CDH20: variants seen among roughly 807,000 people sequenced by gnomAD.
CDH20 encodes the protein cadherin-20.
CDH20 carries 29 observed loss-of-function variants against 74.2 expected under a neutral mutation model. That is an observed-to-expected ratio of 0.39 (90% CI 0.29 to 0.53). The LOEUF (loss-of-function observed/expected upper bound fraction) is 0.53, where lower values mean the gene tolerates loss of function less well. CDH20 is among the 20% of genes least tolerant of loss of function. The pLI is 0.69. For missense variants in CDH20, 988 were observed against 1,048.3 expected (o/e 0.94, Z 0.79); for synonymous variants, 469 against 405.4 (o/e 1.16, Z -1.88).
At chr18:61,475,829 T>C (rs190928746) in intron 1 of CDH20, among the ~76,000 whole-genome samples, 7 of 149,184 alleles carry the variant, frequency 4.7e-5, no homozygotes, top group African/African-American at 1.8e-4. Context: ...AGAATTCTCT[T>C]CTTTAGAGAC....
chr18:61,530,391 A>G (rs2144376065), intron 7 of CDH20, among the ~76,000 whole-genome samples: 1 of 152,310 alleles, frequency 6.6e-6, no homozygotes, highest in Middle Eastern at 3.4e-3. Flanking sequence ...TATTAAAGTT[A>G]CTTTCTTTTA....
chr18:61,463,756 C>T (rs1909863705), intron 1 of CDH20, among the ~76,000 whole-genome samples: 1 of 152,158 alleles, frequency 6.6e-6, no homozygotes, highest in African/African-American at 2.4e-5. Context: ...CAACTCCCAA[C>T]TCTGGGCACT....
At chr18:61,479,637 T>C (rs1236127366) in intron 1 of CDH20, among the ~76,000 whole-genome samples, 1 of 147,808 alleles carries the variant, frequency 6.8e-6, no homozygotes. Flanking sequence ...TTTTCTTTTC[T>C]TGTCTTCTCT....
chr18:61,347,951 A>G (rs1365936767), intron 1 of CDH20, among the ~76,000 whole-genome samples: 1 of 152,170 alleles, frequency 6.6e-6, no homozygotes, highest in Non-Finnish European at 1.5e-5. Flanking sequence ...AAGAACTCAA[A>G]CATAGTTTTA....
chr18:61,505,447 C>T (rs748239728), intron 5 of CDH20, among the ~76,000 whole-genome samples: 1 of 151,768 alleles, frequency 6.6e-6, no homozygotes, highest in African/African-American at 2.4e-5. Context: ...AGCAATCCTC[C>T]CACCTCAGCT....
At position 61,364,341 on chromosome 18, in the gene CDH20, TC is replaced by T. The variant is rs574121973; in HGVS notation, c.-153+30515del. 4.1e-3 allele frequency among the ~76,000 whole-genome samples: 619 copies of T among 152,078 alleles called. 2 individuals are homozygous for T. The highest frequency in any genetic ancestry group is 0.014 in the African/African-American group (590 of 41,418). Reference sequence around the variant, plus strand: ...TTGTTTGTTTGTTTTAGACCGAGTTTCGTTCTTGTTGCCCAGGCTGGAGTGC... The same window carrying T: ...TTGTTTGTTTGTTTTAGACCGAGTTTGTTCTTGTTGCCCAGGCTGGAGTGC... On this transcript the variant is annotated intron_variant, in intron 1 of 11. Transcript: ENST00000262717.
At chr18:61,512,087 C>T (rs1157958177) in intron 6 of CDH20, among the ~76,000 whole-genome samples, 2 of 152,100 alleles carry the variant, frequency 1.3e-5, no homozygotes, top group South Asian at 2.1e-4. Flanking sequence ...ATTTATTTCC[C>T]TTAGGCCTAT....
At chr18:61,538,578 C>CTTTGTTTTTTT (rs1555684264) in intron 8 of CDH20, among the ~76,000 whole-genome samples, 2 of 34,994 alleles carry the variant, frequency 5.7e-5, no homozygotes, top group African/African-American at 1.2e-4. Flanking sequence ...TAAATAACTA[C>CTTTGTTTTTTT]TTTTTGTTTG....
chr18:61,368,281 G>A (rs1910925181), intron 1 of CDH20, among the ~76,000 whole-genome samples: 1 of 152,062 alleles, frequency 6.6e-6, no homozygotes. Flanking sequence ...CACCTAGGGG[G>A]AGGGGGAATT....
chr18:61,358,180 T>C (rs192609988), intron 1 of CDH20, among the ~76,000 whole-genome samples: 35 of 151,634 alleles, frequency 2.3e-4, no homozygotes, highest in African/African-American at 7.7e-4. Flanking sequence ...AGTGGCATGA[T>C]GTCTGCTCAC....
chr18:61,506,353 A>G (rs1416517773), intron 5 of CDH20, among the ~76,000 whole-genome samples: 1 of 152,240 alleles, frequency 6.6e-6, no homozygotes, highest in African/African-American at 2.4e-5. Flanking sequence ...ATGTTTGTAA[A>G]GAACAAGCAT....
In CDH20 at chr18:61,538,905, T is replaced by G. The variant is rs1009608780; in HGVS notation, c.1409-119T>G. 27 of 1,107,914 alleles carry G rather than the reference T, an allele frequency of 2.4e-5. No individual in the cohort carries two copies. The African/African-American group carries it at 3.9e-4, about 16-fold the overall frequency. The allele number at this position is 1,107,914 out of a possible 1,614,324, so 68.6% of individuals were successfully genotyped here. On this transcript the variant is annotated intron_variant, in intron 8 of 11. Transcript: ENST00000262717. ...CCTCGGCCTCCCAAAGTGCTGGGAT[T>G]ACAGGCGTGAGCCACTGCGCCCAGT...
chr18:61,404,793 T>C, intron 1 of CDH20: 2 of 291,902 alleles, frequency 6.9e-6, no homozygotes, highest in South Asian at 8.1e-5. Context: ...AAAAAAATTG[T>C]CAACTTTTTT....
chr18:61,477,041 G>T (rs1243278968), intron 1 of CDH20, among the ~76,000 whole-genome samples: 1 of 151,950 alleles, frequency 6.6e-6, no homozygotes, highest in Admixed American at 6.6e-5. Flanking sequence ...CTAAACTAGA[G>T]AACACTACTG....
chr18:61,516,160 GA>G (rs1372221295), intron 6 of CDH20, among the ~76,000 whole-genome samples: 1 of 152,160 alleles, frequency 6.6e-6, no homozygotes, highest in Non-Finnish European at 1.5e-5. Flanking sequence ...ATCAAAATAT[GA>G]AAAACTGTGC....
At chr18:61,388,582 A>G (rs528095835) in intron 1 of CDH20, among the ~76,000 whole-genome samples, 25 of 152,332 alleles carry the variant, frequency 1.6e-4, no homozygotes, top group African/African-American at 5.5e-4. Context: ...TTGAGAAATT[A>G]TAATGATTCC....
At chr18:61,541,089 C>T (rs548991890) in intron 9 of CDH20, among the ~76,000 whole-genome samples, 10 of 152,078 alleles carry the variant, frequency 6.6e-5, no homozygotes, top group East Asian at 3.9e-4. Context: ...GCCCAAGAAA[C>T]GATCCATGTT....
intron 6 of CDH20, among the ~76,000 whole-genome samples, chr18:61,520,314 T>TAAAAA: frequency 1.7e-4 from 1 of 5,940 alleles, no homozygotes. Flanking sequence ...AGACTCCGTC[T>TAAAAA]CAAAAAAAAA....
chr18:61,411,514 T>G (rs1846737611), intron 1 of CDH20, among the ~76,000 whole-genome samples: 1 of 150,550 alleles, frequency 6.6e-6, no homozygotes, highest in Non-Finnish European at 1.5e-5. Context: ...CAAATGCCCA[T>G]CAATCAATGA....
Sources: gnomAD v4.1 joint callset for allele counts (sites outside exome capture counted in the v4.1 genomes callset) on GRCh38, gnomAD v4.1.1 for gene constraint, MANE v1.5 for transcripts, NCBI Gene and HGNC (gene_info 2026-07-23, HGNC 2026-07-21) for gene names.